GUCA1C: variants seen among roughly 807,000 people sequenced by gnomAD.
GUCA1C encodes guanylate cyclase activator 1C.
GUCA1C carries 15 observed loss-of-function variants against 16.2 expected under a neutral mutation model. That is an observed-to-expected ratio of 0.93 (90% confidence interval 0.62 to 1.43). GUCA1C has a LOEUF of 1.43. Ranked by LOEUF, GUCA1C falls within the 40% of genes most tolerant of loss-of-function variation. The pLI, the probability that GUCA1C is intolerant of heterozygous loss-of-function variation, is 0.00. For synonymous variants in GUCA1C, 78 were observed against 85.4 expected (o/e 0.91, Z 0.48); for missense variants, 275 against 244.8 (o/e 1.12, Z -0.82).
At chr3:108,929,280 G>T (rs1168143705) in intron 1 of GUCA1C, among the ~76,000 whole-genome samples, 2 of 152,066 alleles carry the variant, frequency 1.3e-5, no homozygotes, top group African/African-American at 4.8e-5. Context: ...AGAAAACTTT[G>T]TGTCTGAAAC....
intron 3 of GUCA1C, among the ~76,000 whole-genome samples, chr3:108,911,386 T>C (rs1946451353): frequency 6.6e-6 from 1 of 152,314 alleles, no homozygotes; most frequent in Non-Finnish European, 1.5e-5. Flanking sequence ...AATCAGCCTG[T>C]GTAGAGGATT....
At chr3:108,949,610 A>G (rs1477842981) in intron 1 of GUCA1C, among the ~76,000 whole-genome samples, 3 of 152,290 alleles carry the variant, frequency 2.0e-5, no homozygotes, top group African/African-American at 7.2e-5. Context: ...CAAAGGTCTG[A>G]GGTGCTAAGG....
intron 1 of GUCA1C, among the ~76,000 whole-genome samples, chr3:108,924,458 G>C (rs571350644): frequency 6.6e-6 from 1 of 152,074 alleles, no homozygotes; most frequent in East Asian, 1.9e-4. Flanking sequence ...ACTTATGTAT[G>C]TTAAGCCATC....
chr3:108,941,426 C>G (rs1034834917), intron 1 of GUCA1C, among the ~76,000 whole-genome samples: 4 of 152,224 alleles, frequency 2.6e-5, no homozygotes. Flanking sequence ...CAAACCCATA[C>G]ATTTAGAGAA....
intron 1 of GUCA1C, among the ~76,000 whole-genome samples, chr3:108,947,761 T>A (rs762829552): frequency 6.6e-6 from 1 of 152,232 alleles, no homozygotes; most frequent in Admixed American, 6.5e-5. Context: ...GATGGGTCTA[T>A]GAGAGCTATT....
chr3:108,937,379 C>A (rs952679764), intron 1 of GUCA1C, among the ~76,000 whole-genome samples: 1 of 152,150 alleles, frequency 6.6e-6, no homozygotes, highest in Admixed American at 6.6e-5. Flanking sequence ...TGTTTGCTTG[C>A]GTAACTCCAG....
chr3:108,909,474 C>G (rs189651237), intron 3 of GUCA1C, among the ~76,000 whole-genome samples: 1 of 152,058 alleles, frequency 6.6e-6, no homozygotes, highest in Admixed American at 6.6e-5. Flanking sequence ...ACAGAATAAC[C>G]GCCCTTTGCA....
chr3:108,910,811 G>A (rs994441124), intron 3 of GUCA1C, among the ~76,000 whole-genome samples: 1 of 151,442 alleles, frequency 6.6e-6, no homozygotes, highest in Non-Finnish European at 1.5e-5. Flanking sequence ...CACCACACCT[G>A]GCTAATTTTT....
At chr3:108,925,401 G>T (rs533291154) in intron 1 of GUCA1C, among the ~76,000 whole-genome samples, 12 of 152,056 alleles carry the variant, frequency 7.9e-5, no homozygotes, top group Non-Finnish European at 1.3e-4. Context: ...TCTGAAGCAG[G>T]TTATTTAATT....
chr3:108,908,281 G>T, intron 3 of GUCA1C, 72 bp from the exon 4 acceptor site: 1 of 814,386 alleles, frequency 1.2e-6, no homozygotes, highest in Non-Finnish European at 1.9e-6. Context: ...ATACTCACTG[G>T]TATGTTTATT....
intron 1 of GUCA1C, among the ~76,000 whole-genome samples, chr3:108,936,602 T>TA (rs1355234944): frequency 6.6e-6 from 1 of 152,178 alleles, no homozygotes; most frequent in African/African-American, 2.4e-5. Flanking sequence ...CAGAATTCAT[T>TA]ACAATTAAAT....
At chr3:108,934,185 G>A (rs1240941082) in intron 1 of GUCA1C, among the ~76,000 whole-genome samples, 3 of 151,720 alleles carry the variant, frequency 2.0e-5, no homozygotes, top group Non-Finnish European at 4.4e-5. Flanking sequence ...TGGGGGGTGG[G>A]TGGCAAGGGG....
intron 1 of GUCA1C, among the ~76,000 whole-genome samples, chr3:108,933,311 G>C (rs1418284289): frequency 6.6e-6 from 1 of 152,160 alleles, no homozygotes; most frequent in Non-Finnish European, 1.5e-5. Flanking sequence ...GGAGAGTTTG[G>C]AAGCATGCAT....
chr3:108,912,813 G>T (rs562860086), intron 3 of GUCA1C, among the ~76,000 whole-genome samples: 36 of 151,146 alleles, frequency 2.4e-4, no homozygotes, highest in African/African-American at 7.8e-4. Context: ...CATCTTCTTA[G>T]CAGACACTCT....
chr3:108,946,279 C>T (rs1245430285), intron 1 of GUCA1C, among the ~76,000 whole-genome samples: 3 of 152,068 alleles, frequency 2.0e-5, no homozygotes, highest in African/African-American at 7.3e-5. Flanking sequence ...AGATGTGAGC[C>T]ACTGTGCCCA....
At chr3:108,925,352 A>T (rs966738719) in intron 1 of GUCA1C, among the ~76,000 whole-genome samples, 3 of 152,120 alleles carry the variant, frequency 2.0e-5, no homozygotes, top group African/African-American at 7.2e-5. Context: ...AGGAATTTTT[A>T]AATTTCCATC....
At chr3:108,924,824 T>C (rs1442569297) in intron 1 of GUCA1C, among the ~76,000 whole-genome samples, 1 of 152,192 alleles carries the variant, frequency 6.6e-6, no homozygotes, top group Admixed American at 6.5e-5. Flanking sequence ...ATTAGTCTGT[T>C]CATAGATTCA....
At chr3:108,940,453 AAG>A (rs1260107724) in intron 1 of GUCA1C, among the ~76,000 whole-genome samples, 1 of 152,244 alleles carries the variant, frequency 6.6e-6, no homozygotes, top group Non-Finnish European at 1.5e-5. Flanking sequence ...TCTGAATTTC[AAG>A]TAGAGCTGGG....
At chr3:108,910,003 C>T (rs1488662060) in intron 3 of GUCA1C, among the ~76,000 whole-genome samples, 1 of 152,186 alleles carries the variant, frequency 6.6e-6, no homozygotes, top group African/African-American at 2.4e-5. Context: ...CCACTATAGC[C>T]GACGACAGTG....
Sources: allele counts gnomAD v4.1 joint callset (sites outside exome capture counted in the v4.1 genomes callset), GRCh38; gene constraint gnomAD v4.1.1; transcripts MANE v1.5; gene names NCBI Gene and HGNC (gene_info 2026-07-23, HGNC 2026-07-21).